The following ANKIB1 variants were observed in gnomAD, a reference collection of about 807,000 sequenced individuals.
ANKIB1 encodes the protein ankyrin repeat and IBR domain containing 1.
Under a neutral mutation model 122.1 loss-of-function variants are expected in ANKIB1, and 43 were observed. The ratio of observed to expected loss-of-function variants is 0.35; its 90% CI spans 0.28 to 0.45. ANKIB1 has a LOEUF of 0.45. ANKIB1 is among the 20% of genes least tolerant of loss of function. The pLI, the probability that ANKIB1 is intolerant of heterozygous loss-of-function variation, is 1.00. For synonymous variants in ANKIB1, 390 were observed against 442.0 expected (o/e 0.88, Z 1.48); for missense variants, 992 against 1,329.5 (o/e 0.75, Z 3.95).
intron 1 of ANKIB1, among the ~76,000 whole-genome samples, chr7:92,250,607 G>A (rs188154833): frequency 6.6e-6 from 1 of 152,306 alleles, no homozygotes; most frequent in African/African-American, 2.4e-5. Context: ...AGGAAGGGTA[G>A]AGTATTGAGC....
intron 3 of ANKIB1, among the ~76,000 whole-genome samples, chr7:92,316,877 A>G (rs1477446075): frequency 6.6e-6 from 1 of 152,198 alleles, no homozygotes; most frequent in African/African-American, 2.4e-5. Flanking sequence ...CATTAAGTTA[A>G]AGATGATTTG....
chr7:92,319,798 G>T, intron 4 of ANKIB1: 1 of 306,070 alleles, frequency 3.3e-6, no homozygotes, highest in Non-Finnish European at 6.0e-6. Flanking sequence ...TGCCAGGAAT[G>T]GTGGCCCACA....
chr7:92,385,193 C>T (rs1804608039), intron 11 of ANKIB1, among the ~76,000 whole-genome samples: 2 of 152,166 alleles, frequency 1.3e-5, no homozygotes, highest in African/African-American at 4.8e-5. Flanking sequence ...CCATCTCACA[C>T]CAGTTAGAAT....
At chr7:92,327,966 A>G in intron 5 of ANKIB1, 66 bp downstream of exon 5, 1 of 1,067,556 alleles carries the variant, frequency 9.4e-7, no homozygotes, top group Non-Finnish European at 1.3e-6. Flanking sequence ...GAGTTTTTAA[A>G]AGGGCTATTT....
chr7:92,357,601 G>A (rs1187685040), intron 9 of ANKIB1, among the ~76,000 whole-genome samples: 1 of 151,732 alleles, frequency 6.6e-6, no homozygotes, highest in African/African-American at 2.4e-5. Context: ...TGGGCATGGT[G>A]GTGCATACCT....
chr7:92,262,213 A>C (rs781074435), intron 1 of ANKIB1, among the ~76,000 whole-genome samples: 27 of 152,228 alleles, frequency 1.8e-4, no homozygotes, highest in Non-Finnish European at 2.6e-4. Flanking sequence ...TTGCTATGGC[A>C]ATAGAATGTG....
chr7:92,307,761 T>A, intron 3 of ANKIB1, 105 bp downstream of exon 3: 1 of 917,498 alleles, frequency 1.1e-6, no homozygotes. Context: ...ATTTGGTCAT[T>A]TTTTTTCTCT....
chr7:92,290,804 G>A (rs1413319330), intron 1 of ANKIB1, among the ~76,000 whole-genome samples: 1 of 152,074 alleles, frequency 6.6e-6, no homozygotes, highest in South Asian at 2.1e-4. Context: ...TTATTTGTGG[G>A]AGTTGAAAGT....
intron 10 of ANKIB1, among the ~76,000 whole-genome samples, chr7:92,367,093 T>C (rs1804103864): frequency 6.6e-6 from 1 of 152,150 alleles, no homozygotes; most frequent in African/African-American, 2.4e-5. Flanking sequence ...ATAGATGGTA[T>C]ATACATGGTT....
chr7:92,270,728 G>GTTT (rs397889266), intron 1 of ANKIB1, among the ~76,000 whole-genome samples: 842 of 81,978 alleles, frequency 0.01, 4 homozygotes, highest in Non-Finnish European at 0.012. Context: ...CATCGCTATA[G>GTTT]TTTTTTTTTT....
chr7:92,391,798 C>T (rs567575544), intron 16 of ANKIB1, among the ~76,000 whole-genome samples: 44 of 152,130 alleles, frequency 2.9e-4, no homozygotes, highest in Non-Finnish European at 5.0e-4. Flanking sequence ...GTGATAAACC[C>T]ATCCACTAAA....
intron 1 of ANKIB1, among the ~76,000 whole-genome samples, chr7:92,270,674 C>T (rs1219764018): frequency 6.6e-6 from 1 of 151,844 alleles, no homozygotes; most frequent in Non-Finnish European, 1.5e-5. Flanking sequence ...TATAGTCGTA[C>T]CCTCTGCCAC....
intron 11 of ANKIB1, among the ~76,000 whole-genome samples, chr7:92,371,951 GTGTGTGT>G (rs1353749243): frequency 5.1e-3 from 13 of 2,556 alleles, no homozygotes; most frequent in African/African-American, 9.3e-3. Context: ...TGAGAGAGGG[GTGTGTGT>G]GTGTGTGTGT....
intron 1 of ANKIB1, among the ~76,000 whole-genome samples, chr7:92,292,357 C>T (rs1802266620): frequency 6.6e-6 from 1 of 152,162 alleles, no homozygotes; most frequent in Non-Finnish European, 1.5e-5. Flanking sequence ...ATTTAATGCA[C>T]ATTTAGAGTA....
chr7:92,387,928 GAATA>G lies in ANKIB1; in HGVS notation c.1840-40_1840-37del, dbSNP rs775162867. 12 of 1,605,904 alleles carry G rather than the reference GAATA, an allele frequency of 7.5e-6. No homozygotes were observed. The African/African-American group carries it at 1.1e-4, about 14-fold the overall frequency. ...CAAATGAGCTGACCTATACTGTTGT[GAATA>G]AATAAAGAGAATGGTTTAAATTCTT... On this transcript the variant is annotated intron_variant, in intron 13 of 19. Coordinates refer to ENST00000265742, the MANE Select transcript of ANKIB1 (RefSeq NM_019004.2).
At chr7:92,325,872 G>A in intron 4 of ANKIB1, 1 of 425,018 alleles carries the variant, frequency 2.4e-6, no homozygotes, top group South Asian at 1.7e-5. Context: ...TGCAAAAGAG[G>A]TAATTTTATT....
chr7:92,390,867 T>A (rs1804769744), intron 15 of ANKIB1, among the ~76,000 whole-genome samples: 2 of 152,224 alleles, frequency 1.3e-5, no homozygotes, highest in Admixed American at 6.5e-5. Context: ...AAATTCCTTG[T>A]AAACAGCTGC....
intron 1 of ANKIB1, among the ~76,000 whole-genome samples, chr7:92,259,370 TCTTTA>T (rs1485431313): frequency 6.6e-6 from 1 of 152,222 alleles, no homozygotes; most frequent in Non-Finnish European, 1.5e-5. Flanking sequence ...TTATCAATAC[TCTTTA>T]CTTCTTGTTG....
intron 5 of ANKIB1, among the ~76,000 whole-genome samples, chr7:92,340,687 C>T (rs1039097719): frequency 6.6e-6 from 1 of 151,940 alleles, no homozygotes; most frequent in African/African-American, 2.4e-5. Context: ...TGTAAGTATA[C>T]CATAAACAAA....
Sources: gnomAD v4.1 joint callset for allele counts (sites outside exome capture counted in the v4.1 genomes callset) on GRCh38, gnomAD v4.1.1 for gene constraint, MANE v1.5 for transcripts, NCBI Gene and HGNC (gene_info 2026-07-23, HGNC 2026-07-21) for gene names.